Variants in ZC3H15 observed in about 807,000 individuals in gnomAD.
ZC3H15 encodes zinc finger CCCH domain-containing protein 15.
A neutral mutation model predicts 51.2 loss-of-function variants in ZC3H15; 15 were observed. The ratio of observed to expected loss-of-function variants is 0.29; its 90% confidence interval spans 0.20 to 0.45. ZC3H15 has a LOEUF of 0.45. Ranked by LOEUF, ZC3H15 falls within the 20% of genes least tolerant of loss-of-function variation. ZC3H15 has a pLI of 1.00. For synonymous variants in ZC3H15, 144 were observed against 162.8 expected, an observed-to-expected ratio of 0.88 and a Z score of 0.88; for missense variants, 381 against 494.7, an observed-to-expected ratio of 0.77 and a Z score of 2.18.
At chr2:186,501,201 A>G in intron 3 of ZC3H15, 72 bp from the exon 4 acceptor site, 2 of 1,433,686 alleles carry the variant, frequency 1.4e-6, no homozygotes, top group Non-Finnish European at 1.8e-6. Context: ...AAAATTCATC[A>G]TATTTCAGGT....
At chr2:186,498,136 A>C (rs1186504016) in intron 2 of ZC3H15, among the ~76,000 whole-genome samples, 1 of 152,216 alleles carries the variant, frequency 6.6e-6, no homozygotes, top group East Asian at 1.9e-4. Flanking sequence ...TGTCTGAGGT[A>C]GCCAAGAGAA....
intron 8 of ZC3H15, 95 bp from the exon 9 acceptor site, chr2:186,506,618 G>T: frequency 7.3e-7 from 1 of 1,375,186 alleles, no homozygotes; most frequent in Non-Finnish European, 9.9e-7. Context: ...TTTTCACTTG[G>T]ATCAGTGATA....
At chr2:186,496,536 C>T (rs1295453883) in intron 2 of ZC3H15, among the ~76,000 whole-genome samples, 1 of 152,236 alleles carries the variant, frequency 6.6e-6, no homozygotes, top group Admixed American at 6.5e-5. Flanking sequence ...TAGCTGCTTA[C>T]ACCAGCATCA....
At chr2:186,503,719 G>A (rs574485303) in intron 5 of ZC3H15, among the ~76,000 whole-genome samples, 12 of 152,178 alleles carry the variant, frequency 7.9e-5, no homozygotes, top group South Asian at 6.2e-4. Flanking sequence ...ATTCTGATTC[G>A]GGGGCGTACA....
intron 1 of ZC3H15, among the ~76,000 whole-genome samples, chr2:186,494,350 A>G (rs1343785106): frequency 6.6e-6 from 1 of 152,178 alleles, no homozygotes; most frequent in Non-Finnish European, 1.5e-5. Context: ...TTTTGAGAGG[A>G]TAACATTTAT....
At chr2:186,498,532 T>C (rs1229382878) in intron 2 of ZC3H15, among the ~76,000 whole-genome samples, 1 of 152,196 alleles carries the variant, frequency 6.6e-6, no homozygotes, top group Non-Finnish European at 1.5e-5. Context: ...CTATTAAAAA[T>C]TAAGCGACTT....
Position 186,504,157 on chromosome 2 carries a change from TAAAAAG to T in ZC3H15, c.664_669del (p.Lys222_Lys223del), listed in dbSNP as rs1323717438. 3 of 1,610,278 alleles carry T rather than the reference TAAAAAG, an allele frequency of 1.9e-6. No homozygotes were observed. Among genetic ancestry groups the T allele is most frequent in the East Asian group, 2.2e-5 (1 of 44,728 alleles). On this transcript the variant is annotated inframe_deletion, in exon 6 of 10. Transcript: ENST00000337859. ...CTCCTGGATTTGTGTTGAAAAAAGA[TAAAAAG>T]AAAGAAGAGAAAGAAGATGAAATTT...
chr2:186,495,442 C>A, intron 2 of ZC3H15, 108 bp downstream of exon 2: 2 of 795,616 alleles, frequency 2.5e-6, no homozygotes, highest in South Asian at 3.4e-5. Flanking sequence ...AAAACAGAAT[C>A]CTACTTGAAA....
rs144269650 is a variant in ZC3H15, at chr2:186,508,471, A to T, written c.1091-72A>T. 3.6e-4 allele frequency: 479 copies of T among 1,329,192 alleles called. 3 individuals carry two copies. The South Asian group carries it at 5.7e-3, about 16-fold the overall frequency. The allele number at this position is 1,329,192 out of a possible 1,614,324, so 82.3% of individuals were successfully genotyped here. On this transcript the variant is annotated intron_variant, in intron 9 of 9. Coordinates refer to ENST00000337859, the MANE Select transcript of ZC3H15 (RefSeq NM_018471.3). ...AAAAGAGGAAGTGTAGTATCAGTCT[A>T]TGTTGTCTATTGCTAATGTGGAATG...
intron 1 of ZC3H15, among the ~76,000 whole-genome samples, chr2:186,494,200 T>C (rs1381879526): frequency 3.9e-5 from 6 of 152,208 alleles, no homozygotes; most frequent in African/African-American, 1.4e-4. Flanking sequence ...TTATATTGAA[T>C]ATTACCAAGT....
rs963752427 is a variant in ZC3H15 at position 186,508,822 on chromosome 2, T to C, written c.*89T>C. ...TTCTTTCCACCTAGAATCAACAGGA[T>C]GTTTATTTCCTATGCTGATTCTGGA... On this transcript the variant is annotated 3_prime_UTR_variant, in exon 10 of 10. Coordinates refer to ENST00000337859, the MANE Select transcript of ZC3H15 (RefSeq NM_018471.3). The C allele has an allele frequency of 3.5e-5, 49 of 1,399,544 alleles. No homozygotes were observed. The highest frequency in any genetic ancestry group is 4.4e-5 in the Non-Finnish European group (45 of 1,018,746). The allele number at this position is 1,399,544 out of a possible 1,614,324, so 86.7% of individuals were successfully genotyped here.
chr2:186,486,470 C>A lies in ZC3H15; in HGVS notation c.75+13C>A. 4 of 1,543,854 alleles carry A rather than the reference C, an allele frequency of 2.6e-6. No homozygotes were observed. The highest frequency in any genetic ancestry group is 3.5e-6 in the Non-Finnish European group (4 of 1,142,040). On this transcript the variant is annotated intron_variant, in intron 1 of 9. Coordinates refer to ENST00000337859, the MANE Select transcript of ZC3H15 (RefSeq NM_018471.3). ...GAAGATTATCGAAGTGAGTACCCAC[C>A]CCTCCCCCACTCACGCCGCGAGCCC...
At chr2:186,507,958 CT>C (rs1430976060) in intron 9 of ZC3H15, among the ~76,000 whole-genome samples, 1 of 152,130 alleles carries the variant, frequency 6.6e-6, no homozygotes, top group Non-Finnish European at 1.5e-5. Flanking sequence ...TAAAAAATGT[CT>C]GTGTAATTGT....
rs1430314101 is a variant in ZC3H15 at position 186,486,387 on chromosome 2, C to T, written c.5C>T (p.Pro2Leu). M[P>L]PKKQAQAGGS... is the part of the protein sequence containing the mutation. The stretch of plus-strand genomic sequence containing the variant: ...CCGGTGCCATCTGTCTCCGCAATGC[C>T]CCCCAAGAAACAGGCTCAGGCCGGG... Residue 2 changes from proline (P) to leucine (L), a missense_variant, in exon 1 of 10, where the codon CCC becomes CTC. By Grantham distance (98) the Pro-to-Leu change is moderately conservative (BLOSUM62 -3). Around this residue, in one of 3 missense-constraint regions of ZC3H15, gnomAD observed 125 missense variants for 166.3 expected, o/e 0.75. Transcript: ENST00000337859. 1 of 1,545,808 alleles carries T rather than the reference C, an allele frequency of 6.5e-7. No individual in the cohort carries two copies. Among genetic ancestry groups the T allele is most frequent in the Admixed American group, 1.9e-5 (1 of 51,286 alleles).
At chr2:186,490,587 A>G (rs1685179659) in intron 1 of ZC3H15, among the ~76,000 whole-genome samples, 1 of 152,198 alleles carries the variant, frequency 6.6e-6, no homozygotes, top group South Asian at 2.1e-4. Flanking sequence ...CTAATGAGGG[A>G]AAACCGTGAC....
chr2:186,500,605 T>C (rs1280918209), intron 3 of ZC3H15: 1 of 514,030 alleles, frequency 1.9e-6, no homozygotes, highest in South Asian at 1.5e-5. Context: ...TTGAATAAAC[T>C]GTACGTCCCA....
chr2:186,502,862 A>G (rs2105592457), intron 5 of ZC3H15, among the ~76,000 whole-genome samples: 1 of 152,306 alleles, frequency 6.6e-6, no homozygotes, highest in South Asian at 2.1e-4. Flanking sequence ...TGGATAAACA[A>G]AATTACATAT....
rs373154978 is a variant in ZC3H15, at chr2:186,505,519, A to G, written c.786A>G (p.Lys262=). 3.2e-5 allele frequency: 51 copies of G among 1,602,644 alleles called. No individual in the cohort carries two copies. Among genetic ancestry groups the G allele is most frequent in the Admixed American group, 7.1e-5 (4 of 56,682 alleles). Residue 262 remains lysine, a synonymous_variant, in exon 7 of 10, where the codon AAA becomes AAG. Transcript: ENST00000337859. The part of the protein sequence containing the change: ...LESFLAWKKR[K]RQEKIDKLEQ... Reference sequence around the variant, plus strand: ...CTTTTCTTGCCTGGAAGAAAAGGAAAAGACAAGAAAAGATTGATAAACTTG... The same window carrying G: ...CTTTTCTTGCCTGGAAGAAAAGGAAGAGACAAGAAAAGATTGATAAACTTG...
intron 9 of ZC3H15, among the ~76,000 whole-genome samples, chr2:186,508,284 T>C (rs1685498949): frequency 6.6e-6 from 1 of 152,218 alleles, no homozygotes. Flanking sequence ...GTGTAGAAGA[T>C]TGATCCTGCC....
Sources: allele counts gnomAD v4.1 joint callset (sites outside exome capture counted in the v4.1 genomes callset), GRCh38; gene constraint gnomAD v4.1.1; regional missense constraint gnomAD v4.1.1; transcripts MANE v1.5; gene names NCBI Gene and HGNC (gene_info 2026-07-23, HGNC 2026-07-21).